Variants in PGCKA1 observed in about 807,000 individuals in gnomAD.
The protein encoded by PGCKA1 is PDCD10 and GCKIII kinases associated 1, also known as PDCD10 and GCKIII kinases-associated protein 1.
chr4:37,468,869 T>C, the PGCKA1 span, among the ~76,000 whole-genome samples: 1 of 152,168 alleles, frequency 6.6e-6, no homozygotes, highest in Non-Finnish European at 1.5e-5. Context: ...TGTAATGCAT[T>C]TATATTTTTT....
the PGCKA1 span, among the ~76,000 whole-genome samples, chr4:37,589,804 G>T: frequency 6.6e-6 from 1 of 152,116 alleles, no homozygotes; most frequent in Admixed American, 6.6e-5. Flanking sequence ...GCTAATTTTT[G>T]TATTTTTAGT....
chr4:37,529,372 C>T, the PGCKA1 span, among the ~76,000 whole-genome samples: 1 of 152,088 alleles, frequency 6.6e-6, no homozygotes, highest in African/African-American at 2.4e-5. Context: ...TGTATTTTCT[C>T]CCCAATCATA....
At chr4:37,486,283 G>A in the PGCKA1 span, among the ~76,000 whole-genome samples, 1 of 151,968 alleles carries the variant, frequency 6.6e-6, no homozygotes, top group Non-Finnish European at 1.5e-5. Flanking sequence ...GAGACTTTGT[G>A]GGTATCAGGA....
the PGCKA1 span, among the ~76,000 whole-genome samples, chr4:37,480,992 G>A: frequency 5.3e-5 from 8 of 152,180 alleles, no homozygotes; most frequent in East Asian, 1.9e-4. Flanking sequence ...TAATGTGCAC[G>A]TCAGCACATT....
chr4:37,472,307 C>G, the PGCKA1 span, among the ~76,000 whole-genome samples: 1,437 of 152,256 alleles, frequency 9.4e-3, 51 homozygotes, highest in East Asian at 0.12. Context: ...TTCATGTGGA[C>G]TTAACTTTTA....
chr4:37,560,420 A>C, the PGCKA1 span, among the ~76,000 whole-genome samples: 2 of 152,164 alleles, frequency 1.3e-5, no homozygotes, highest in Non-Finnish European at 2.9e-5. Flanking sequence ...GTAGTAACCC[A>C]CATTCTATAG....
chr4:37,530,419 T>G, the PGCKA1 span, among the ~76,000 whole-genome samples: 1 of 149,660 alleles, frequency 6.7e-6, no homozygotes, highest in African/African-American at 2.5e-5. Context: ...CAAAAGAATA[T>G]AAAAATGAGC....
At chr4:37,533,609 T>C in the PGCKA1 span, among the ~76,000 whole-genome samples, 1 of 152,224 alleles carries the variant, frequency 6.6e-6, no homozygotes, top group African/African-American at 2.4e-5. Context: ...CTGACCCTTA[T>C]ATATTTCTAA....
At chr4:37,581,216 G>A in the PGCKA1 span, among the ~76,000 whole-genome samples, 9 of 152,112 alleles carry the variant, frequency 5.9e-5, no homozygotes, top group Non-Finnish European at 2.9e-5. This position sits in a 1 kb window ranked among gnomAD's most constrained non-coding sequence, Gnocchi z 4.4. Flanking sequence ...CCAAGAGCTC[G>A]CTTGGTGCTC....
chr4:37,566,594 T>G, the PGCKA1 span, among the ~76,000 whole-genome samples: 1 of 151,842 alleles, frequency 6.6e-6, no homozygotes, highest in African/African-American at 2.4e-5. Context: ...CTTTTTATTT[T>G]ATTTTTTGAG....
chr4:37,520,231 G>T, the PGCKA1 span, among the ~76,000 whole-genome samples: 1 of 152,074 alleles, frequency 6.6e-6, no homozygotes, highest in Admixed American at 6.5e-5. Context: ...TCTTTTTATT[G>T]ATGTGTCTTT....
At chr4:37,535,186 G>A in the PGCKA1 span, among the ~76,000 whole-genome samples, 1 of 152,134 alleles carries the variant, frequency 6.6e-6, no homozygotes, top group Non-Finnish European at 1.5e-5. Context: ...CCATGGACAC[G>A]GCCAGTAAAA....
the PGCKA1 span, among the ~76,000 whole-genome samples, chr4:37,580,195 C>T: frequency 6.6e-6 from 1 of 151,568 alleles, no homozygotes; most frequent in Non-Finnish European, 1.5e-5. Context: ...TCTTGAATTT[C>T]TTTGAGTTTC....
the PGCKA1 span, among the ~76,000 whole-genome samples, chr4:37,519,255 T>C: frequency 6.6e-6 from 1 of 150,880 alleles, no homozygotes; most frequent in Admixed American, 6.6e-5. Flanking sequence ...TCTGGGTCTT[T>C]TGTGGTTCCA....
At chr4:37,510,523 G>C in the PGCKA1 span, among the ~76,000 whole-genome samples, 1 of 152,088 alleles carries the variant, frequency 6.6e-6, no homozygotes, top group Non-Finnish European at 1.5e-5. Flanking sequence ...TCCAAGCAGA[G>C]ACTCTTGTTC....
chr4:37,537,733 C>A, the PGCKA1 span, among the ~76,000 whole-genome samples: 1 of 152,156 alleles, frequency 6.6e-6, no homozygotes, highest in African/African-American at 2.4e-5. Context: ...GGCTTTGTTG[C>A]ATGCATCCAC....
At chr4:37,515,318 T>C in the PGCKA1 span, among the ~76,000 whole-genome samples, 4 of 152,158 alleles carry the variant, frequency 2.6e-5, no homozygotes, top group Non-Finnish European at 5.9e-5. Context: ...CTGTTGTTTA[T>C]AAGCTACCCA....
chr4:37,464,664 C>T, the PGCKA1 span, among the ~76,000 whole-genome samples: 5 of 152,202 alleles, frequency 3.3e-5, no homozygotes, highest in African/African-American at 1.2e-4. Context: ...AAAAGCCACA[C>T]GAAATAGCAG....
At chr4:37,525,456 T>G in the PGCKA1 span, among the ~76,000 whole-genome samples, 4 of 152,106 alleles carry the variant, frequency 2.6e-5, no homozygotes, top group Non-Finnish European at 5.9e-5. Flanking sequence ...CAGGATATAA[T>G]GAAAGCAAGT....
Sources: allele counts gnomAD v4.1 joint callset (sites outside exome capture counted in the v4.1 genomes callset), GRCh38; gene constraint gnomAD v4.1.1; non-coding constraint Gnocchi (gnomAD v3.1); transcripts MANE v1.5; gene names NCBI Gene and HGNC (gene_info 2026-07-23, HGNC 2026-07-21).